Variants in MTMR8 observed in about 807,000 individuals in gnomAD.
MTMR8 encodes the protein phosphatidylinositol-3,5-bisphosphate 3-phosphatase MTMR8.
Under a neutral mutation model 39.3 loss-of-function variants are expected in MTMR8, and 65 were observed. The observed-to-expected ratio is 1.65, with a 90% CI of 1.35 to 2.03. The LOEUF (loss-of-function observed/expected upper bound fraction) is 2.03. Among genes scored for constraint, MTMR8 ranks in the 30% most tolerant of loss-of-function variants. MTMR8 has a pLI of 0.00. For missense variants in MTMR8, 777 were observed against 538.9 expected (o/e 1.44, Z -4.37); for synonymous variants, 245 against 185.2 (o/e 1.32, Z -2.62).
chrX:64,300,043 A>C (rs1209215028), intron 12 of MTMR8, among the ~76,000 whole-genome samples: 4 of 91,916 alleles, frequency 4.4e-5, no homozygotes, highest in Non-Finnish European at 8.7e-5. Context: ...GTGCTGAAAA[A>C]AATGTATATT....
intron 11 of MTMR8, among the ~76,000 whole-genome samples, chrX:64,329,367 C>T (rs1291145253): frequency 9.0e-6 from 1 of 111,479 alleles, no homozygotes. Context: ...ATTTCTGGCT[C>T]TTCTATATTT....
At chrX:64,344,557 A>T (rs1222355231) in intron 7 of MTMR8, among the ~76,000 whole-genome samples, 1 of 111,216 alleles carries the variant, frequency 9.0e-6, no homozygotes, top group African/African-American at 3.3e-5. Context: ...TCTGACCCTA[A>T]TCATTTTGTA....
At chrX:64,287,505 C>G (rs1213638765) in intron 12 of MTMR8, among the ~76,000 whole-genome samples, 8 of 111,139 alleles carry the variant, frequency 7.2e-5, no homozygotes, top group Non-Finnish European at 1.3e-4. Flanking sequence ...CCCGCATTGC[C>G]AAGTCAATCC....
chrX:64,303,768 G>T (rs1377332109), intron 12 of MTMR8, among the ~76,000 whole-genome samples: 1 of 112,301 alleles, frequency 8.9e-6, no homozygotes, highest in Non-Finnish European at 1.9e-5. Flanking sequence ...ATAAAACAAA[G>T]TTTGAAAACA....
chrX:64,282,154 C>G (rs1411549883), intron 12 of MTMR8, among the ~76,000 whole-genome samples: 1 of 111,556 alleles, frequency 9.0e-6, no homozygotes, highest in Non-Finnish European at 1.9e-5. Flanking sequence ...CTGTGGAAGA[C>G]AGGGTGGAGA....
intron 12 of MTMR8, among the ~76,000 whole-genome samples, chrX:64,274,662 A>G (rs1412571990): frequency 8.9e-6 from 1 of 112,254 alleles, no homozygotes; most frequent in East Asian, 2.8e-4. Flanking sequence ...CTAAGAGTCC[A>G]TCAATAGATG....
chrX:64,348,279 G>T (rs919951141), intron 6 of MTMR8, among the ~76,000 whole-genome samples: 6 of 110,913 alleles, frequency 5.4e-5, no homozygotes, highest in African/African-American at 2.0e-4. Context: ...AAACATGTTG[G>T]TTGTAGTAAG....
intron 12 of MTMR8, among the ~76,000 whole-genome samples, chrX:64,280,251 A>T (rs1185718579): frequency 4.5e-5 from 5 of 112,098 alleles, no homozygotes; most frequent in Non-Finnish European, 9.4e-5. Flanking sequence ...ATAAAGAAAG[A>T]AAACTTCAGG....
intron 12 of MTMR8, among the ~76,000 whole-genome samples, chrX:64,311,224 T>C (rs1922286963): frequency 8.9e-6 from 1 of 112,028 alleles, no homozygotes; most frequent in Non-Finnish European, 1.9e-5. Context: ...CTCACTGTGG[T>C]TTTGATTTGC....
At chrX:64,296,473 T>C (rs1225855746) in intron 12 of MTMR8, among the ~76,000 whole-genome samples, 1 of 110,381 alleles carries the variant, frequency 9.1e-6, no homozygotes, top group African/African-American at 3.3e-5. Context: ...GTTATGTATA[T>C]TTTACAAAAA....
At chrX:64,287,886 C>T (rs1300666353) in intron 12 of MTMR8, among the ~76,000 whole-genome samples, 4 of 104,832 alleles carry the variant, frequency 3.8e-5, no homozygotes, top group African/African-American at 6.9e-5. Flanking sequence ...TAGACAATAC[C>T]TTTCAGGACA....
chrX:64,364,801 A>G (rs1018722943), intron 1 of MTMR8, among the ~76,000 whole-genome samples: 1 of 111,998 alleles, frequency 8.9e-6, no homozygotes, highest in African/African-American at 3.2e-5. Context: ...GAAGGTCAGT[A>G]ATAAACTTCT....
intron 12 of MTMR8, among the ~76,000 whole-genome samples, chrX:64,315,760 C>T (rs1922448972): frequency 9.0e-6 from 1 of 111,074 alleles, no homozygotes; most frequent in South Asian, 3.8e-4. Context: ...AGCTTAATTC[C>T]CCATGTTATT....
At chrX:64,313,190 C>T (rs945206448) in intron 12 of MTMR8, among the ~76,000 whole-genome samples, 6 of 112,361 alleles carry the variant, frequency 5.3e-5, no homozygotes, top group Admixed American at 2.8e-4. Context: ...TAGAAAGCTG[C>T]TTCATCTATA....
At position 64,270,996 on chromosome X, in the gene MTMR8, A is replaced by C; in HGVS notation, c.1559T>G (p.Ile520Ser). 2 of 1,210,133 alleles carry C rather than the reference A, an allele frequency of 1.7e-6. No individual in the cohort carries two copies. The highest frequency in any genetic ancestry group is 2.2e-6 in the Non-Finnish European group (2 of 894,849). ...KQSMLESLLE[I>S]KKQRAMLETD... Reference sequence around the variant, plus strand: ...CTCCAGCATTGCTCTCTGTTTCTTAATTTCCAGGAGGCTCTCTAGCATACT... The same window carrying C: ...CTCCAGCATTGCTCTCTGTTTCTTACTTTCCAGGAGGCTCTCTAGCATACT... The change falls in exon 13 of 14, where the codon ATT becomes AGT. Residue 520 changes from isoleucine (I) to serine (S), a missense_variant. Ile to Ser is a moderately radical substitution (Grantham distance 142). Coordinates refer to ENST00000374852, the MANE Select transcript of MTMR8 (RefSeq NM_017677.4).
chrX:64,330,059 C>A (rs1423977449), intron 11 of MTMR8, among the ~76,000 whole-genome samples: 1 of 111,724 alleles, frequency 9.0e-6, no homozygotes, highest in Non-Finnish European at 1.9e-5. Context: ...AAAGCCCATC[C>A]TTTTCTGTTC....
intron 3 of MTMR8, among the ~76,000 whole-genome samples, chrX:64,355,424 C>T (rs1450303654): frequency 1.8e-5 from 2 of 111,811 alleles, no homozygotes; most frequent in Non-Finnish European, 3.8e-5. Flanking sequence ...TTCCTCCCTT[C>T]ACGAGATACA....
intron 2 of MTMR8, among the ~76,000 whole-genome samples, chrX:64,358,026 C>T (rs1429207754): frequency 9.0e-6 from 1 of 111,416 alleles, no homozygotes; most frequent in African/African-American, 3.3e-5. Flanking sequence ...AGATACAGTC[C>T]ACTGGGTTTG....
chrX:64,299,704 C>G (rs1921769719), intron 12 of MTMR8, among the ~76,000 whole-genome samples: 1 of 98,944 alleles, frequency 1.0e-5, no homozygotes, highest in African/African-American at 3.7e-5. Context: ...CCTGCTTTCT[C>G]TTGTGGGCAT....
Sources: allele counts gnomAD v4.1 joint callset (sites outside exome capture counted in the v4.1 genomes callset), GRCh38; gene constraint gnomAD v4.1.1; transcripts MANE v1.5; gene names NCBI Gene and HGNC (gene_info 2026-07-23, HGNC 2026-07-21).